The following RBM17 variants were observed in gnomAD, a reference collection of about 807,000 sequenced individuals.
The protein encoded by RBM17 is RNA binding motif protein 17.
Under a neutral mutation model 53.2 loss-of-function variants are expected in RBM17, and 7 were observed. The ratio of observed to expected loss-of-function variants is 0.13; its 90% CI spans 0.07 to 0.25. RBM17 has a LOEUF of 0.25. RBM17 is among the 10% of genes least tolerant of loss of function. RBM17 has a pLI of 1.00. For synonymous variants in RBM17, 167 were observed against 178.1 expected (o/e 0.94, Z 0.50); for missense variants, 257 against 496.7 (o/e 0.52, Z 4.59).
At chr10:6,100,262 T>A (rs1840651410) in intron 2 of RBM17, among the ~76,000 whole-genome samples, 1 of 152,188 alleles carries the variant, frequency 6.6e-6, no homozygotes, top group African/African-American at 2.4e-5. Context: ...AGAGAAAAAT[T>A]AAACCTTTCT....
chr10:6,111,124 T>C (rs1275074231), intron 7 of RBM17, among the ~76,000 whole-genome samples: 1 of 152,204 alleles, frequency 6.6e-6, no homozygotes, highest in Non-Finnish European at 1.5e-5. Flanking sequence ...ATGAAAATGT[T>C]AAGGGAATTA....
chr10:6,109,657 A>G (rs1298845698), intron 6 of RBM17, among the ~76,000 whole-genome samples: 1 of 152,248 alleles, frequency 6.6e-6, no homozygotes, highest in East Asian at 1.9e-4. Context: ...GCCAGATTGT[A>G]TCTCCTTAGA....
At chr10:6,111,113 A>C (rs987613607) in intron 7 of RBM17, among the ~76,000 whole-genome samples, 2 of 152,210 alleles carry the variant, frequency 1.3e-5, no homozygotes, top group Non-Finnish European at 2.9e-5. Context: ...AGCTTGTTCA[A>C]ATGAAAATGT....
At position 6,098,556 on chromosome 10, in the gene RBM17, G is replaced by GTTTTTTTTT. The variant is rs1221504658; in HGVS notation, c.123+1374_123+1375insTTTTTTTTT. ...GTTTGAAAATTTCCGTAATACACAG[G>GTTTTTTTTT]TTTTTTGTTTTTTTTTTTTTTTTTT... is the stretch of plus-strand genomic sequence containing the variant. On this transcript the variant is annotated intron_variant, in intron 2 of 11. Transcript: ENST00000379888. Among the ~76,000 whole-genome samples, 22 of 87,978 alleles carry GTTTTTTTTT rather than the reference G, an allele frequency of 2.5e-4. 4 individuals carry two copies. Among genetic ancestry groups the GTTTTTTTTT allele is most frequent in the Middle Eastern group, 6.2e-3 (1 of 162 alleles). The allele number at this position is 87,978 out of a possible 152,430, so 57.7% of individuals were successfully genotyped here.
At chr10:6,106,076 A>G (rs1840744183) in intron 4 of RBM17, 65 bp from the exon 5 acceptor site, 4 of 1,119,484 alleles carry the variant, frequency 3.6e-6, no homozygotes, top group African/African-American at 1.6e-5. Flanking sequence ...AGAGGAAGTC[A>G]TCCCAGGTTC....
intron 3 of RBM17, among the ~76,000 whole-genome samples, chr10:6,103,744 A>G (rs1374862686): frequency 6.6e-6 from 1 of 152,210 alleles, no homozygotes; most frequent in South Asian, 2.1e-4. Flanking sequence ...TTTGTTTTAT[A>G]GTGCAAAATG....
chr10:6,112,066 C>T lies in RBM17; in HGVS notation c.705-144C>T, dbSNP rs1173301303. On this transcript the variant is annotated intron_variant, in intron 7 of 11. Coordinates refer to ENST00000379888, the MANE Select transcript of RBM17 (RefSeq NM_032905.5). The surrounding 1 kb of genome is among the most constrained non-coding windows in gnomAD (Gnocchi z 4.4). ...TCCCCACAGCTTCCATCTAATAGCC[C>T]ACTCCTAGTTAATGAGTGACTTTGT... is the stretch of plus-strand genomic sequence containing the variant. The T allele has an allele frequency of 1.4e-5, 10 of 696,370 alleles. No individual in the cohort carries two copies. Among genetic ancestry groups the T allele is most frequent in the Non-Finnish European group, 2.4e-5 (10 of 417,444 alleles). The allele number at this position is 696,370 out of a possible 1,614,324, so 43.1% of individuals were successfully genotyped here.
chr10:6,102,016 T>C (rs1002743609), intron 3 of RBM17, among the ~76,000 whole-genome samples: 3 of 151,950 alleles, frequency 2.0e-5, no homozygotes, highest in Non-Finnish European at 2.9e-5. Context: ...ATGAAGAAGA[T>C]CTGGAAAAGG....
chr10:6,091,015 A>G (rs575385050), intron 1 of RBM17, among the ~76,000 whole-genome samples: 1 of 119,636 alleles, frequency 8.4e-6, no homozygotes, highest in Non-Finnish European at 1.7e-5. Flanking sequence ...ATAAATATTT[A>G]TATATTTATA....
At chr10:6,091,019 A>ATATTTATATATT (rs1554834361) in intron 1 of RBM17, among the ~76,000 whole-genome samples, 1 of 122,724 alleles carries the variant, frequency 8.1e-6, no homozygotes, top group African/African-American at 3.0e-5. Context: ...ATATTTATAT[A>ATATTTATATATT]TTTATATATA....
chr10:6,109,607 T>C (rs1256460532), intron 6 of RBM17, among the ~76,000 whole-genome samples: 1 of 152,198 alleles, frequency 6.6e-6, no homozygotes, highest in African/African-American at 2.4e-5. Flanking sequence ...GGTCGGGGTC[T>C]AGACAGGTGC....
chr10:6,094,195 G>T (rs924096916), intron 1 of RBM17, among the ~76,000 whole-genome samples: 2 of 151,914 alleles, frequency 1.3e-5, no homozygotes, highest in Non-Finnish European at 2.9e-5. Context: ...AGCCAGGATG[G>T]TCTCGATCTC....
chr10:6,098,564 T>TGG (rs1491275678), intron 2 of RBM17, among the ~76,000 whole-genome samples: 2 of 31,624 alleles, frequency 6.3e-5, no homozygotes, highest in Non-Finnish European at 1.1e-4. Flanking sequence ...AGGTTTTTTG[T>TGG]TTTTTTTTTT....
At chr10:6,101,465 A>G (rs555574536) in intron 3 of RBM17, 78 bp downstream of exon 3, 188 of 741,798 alleles carry the variant, frequency 2.5e-4, no homozygotes, top group Non-Finnish European at 3.9e-4. Flanking sequence ...GTTACTCTTA[A>G]CAGATGGCCT....
At chr10:6,110,414 G>A (rs1840820398) in intron 7 of RBM17, among the ~76,000 whole-genome samples, 1 of 152,168 alleles carries the variant, frequency 6.6e-6, no homozygotes, top group Non-Finnish European at 1.5e-5. Flanking sequence ...CATAACGTTT[G>A]CAAATAAAAT....
In RBM17 at chr10:6,115,715, G is replaced by A; in HGVS notation, c.*159G>A. 1 of 496,198 alleles carries A rather than the reference G, an allele frequency of 2.0e-6. No individual in the cohort carries two copies. The highest frequency in any genetic ancestry group is 3.6e-6 in the Non-Finnish European group (1 of 281,602). The allele number at this position is 496,198 out of a possible 1,614,324, so 30.7% of individuals were successfully genotyped here. ...TGATTGATCCCTTTTTTATTTTGTG[G>A]TTTTTTAATATAGTATAAAAATCCT... On this transcript the variant is annotated 3_prime_UTR_variant, in exon 12 of 12. Coordinates refer to ENST00000379888, the MANE Select transcript of RBM17 (RefSeq NM_032905.5).
intron 2 of RBM17, among the ~76,000 whole-genome samples, chr10:6,100,725 T>C (rs188447659): frequency 4.6e-5 from 7 of 152,258 alleles, no homozygotes; most frequent in Non-Finnish European, 1.0e-4. Flanking sequence ...AGAATCTGAA[T>C]GTGAACTGGA....
At chr10:6,106,882 A>AT (rs1840756703) in intron 5 of RBM17, among the ~76,000 whole-genome samples, 3 of 152,290 alleles carry the variant, frequency 2.0e-5, no homozygotes. Context: ...CATCATATGT[A>AT]TAGTTGTTGA....
At chr10:6,102,427 G>A (rs1840681620) in intron 3 of RBM17, among the ~76,000 whole-genome samples, 2 of 152,138 alleles carry the variant, frequency 1.3e-5, no homozygotes, top group Non-Finnish European at 2.9e-5. Flanking sequence ...TTTTCTGAGG[G>A]GAGCGGGTGC....
Sources: gnomAD v4.1 joint callset for allele counts (sites outside exome capture counted in the v4.1 genomes callset) on GRCh38, gnomAD v4.1.1 for gene constraint, Gnocchi (gnomAD v3.1) non-coding constraint, MANE v1.5 for transcripts, NCBI Gene and HGNC (gene_info 2026-07-23, HGNC 2026-07-21) for gene names.